The following RALGAPA2 variants were observed in gnomAD, a reference collection of about 807,000 sequenced individuals.
RALGAPA2 encodes ral GTPase-activating protein subunit alpha-2.
Under a neutral mutation model 230.4 loss-of-function variants are expected in RALGAPA2, and 139 were observed. That is an observed-to-expected ratio of 0.60 (90% CI 0.53 to 0.69). The LOEUF is 0.69. Ranked by LOEUF, RALGAPA2 falls within the 30% of genes least tolerant of loss-of-function variation. The probability of loss-of-function intolerance (pLI) is 0.00; values close to 1 mark genes in which losing one functional copy is unlikely to be tolerated. For missense variants in RALGAPA2, 2,163 were observed against 2,276.0 expected, an observed-to-expected ratio of 0.95 and a Z score of 1.01; for synonymous variants, 847 against 837.8, an observed-to-expected ratio of 1.01 and a Z score of -0.19.
intron 23 of RALGAPA2, among the ~76,000 whole-genome samples, chr20:20,564,446 CACAAGTTGATGGTTAGT>C (rs1177903495): frequency 6.6e-6 from 1 of 152,224 alleles, no homozygotes; most frequent in Non-Finnish European, 1.5e-5. Context: ...TGGTCTTCTG[CACAAGTTGATGGTTAGT>C]ACAGATACTT....
At chr20:20,428,184 C>G (rs2060426269) in intron 37 of RALGAPA2, among the ~76,000 whole-genome samples, 1 of 152,174 alleles carries the variant, frequency 6.6e-6, no homozygotes, top group Non-Finnish European at 1.5e-5. Context: ...TAACAGATCC[C>G]ATCTATTCTG....
At chr20:20,572,263 G>C (rs1214951222) in intron 21 of RALGAPA2, among the ~76,000 whole-genome samples, 7 of 150,152 alleles carry the variant, frequency 4.7e-5, no homozygotes, top group Non-Finnish European at 8.9e-5. Context: ...CCATGTTTTT[G>C]AAAAAAAAAT....
chr20:20,590,347 T>G (rs1397058609), intron 17 of RALGAPA2, among the ~76,000 whole-genome samples: 6 of 152,196 alleles, frequency 3.9e-5, no homozygotes, highest in Admixed American at 6.5e-5. Flanking sequence ...CTTTCAAAAA[T>G]CTTTCAGATA....
Position 20,712,520 on chromosome 20 carries a change from G to A in RALGAPA2, c.-40C>T, listed in dbSNP as rs554393457. On this transcript the variant is annotated 5_prime_UTR_variant, in exon 1 of 40. Coordinates refer to ENST00000202677, the MANE Select transcript of RALGAPA2 (RefSeq NM_020343.4). This position sits in a 1 kb window ranked among gnomAD's most constrained non-coding sequence, Gnocchi z 5.5. Reference sequence around the variant, plus strand: ...CCCGGGCCCCGCCGGCGGGGCAGTAGGCGCCTGCGCCACGCGAATCAAAGC... The same window carrying A: ...CCCGGGCCCCGCCGGCGGGGCAGTAAGCGCCTGCGCCACGCGAATCAAAGC... 1.7e-5 allele frequency: 26 copies of A among 1,530,376 alleles called. No homozygotes were observed. The Admixed American group carries it at 4.0e-4, about 24-fold the overall frequency. The allele number at this position is 1,530,376 out of a possible 1,614,324, so 94.8% of individuals were successfully genotyped here. A position where few individuals can be genotyped will look rare whatever the true frequency, so the allele number is the denominator to read the frequency against.
At chr20:20,572,821 AATG>A in intron 21 of RALGAPA2, 51 bp downstream of exon 21, 4 of 1,350,214 alleles carry the variant, frequency 3.0e-6, no homozygotes, top group Non-Finnish European at 3.9e-6. Flanking sequence ...TTTTACATTA[AATG>A]ATAAGACCAT....
intron 37 of RALGAPA2, among the ~76,000 whole-genome samples, chr20:20,415,171 C>T (rs901392952): frequency 4.6e-5 from 7 of 152,342 alleles, no homozygotes; most frequent in Admixed American, 1.3e-4. Context: ...CTTAGGGCTT[C>T]AATGCTGGTT....
At chr20:20,597,589 A>G (rs971964573) in intron 16 of RALGAPA2, among the ~76,000 whole-genome samples, 2 of 152,136 alleles carry the variant, frequency 1.3e-5, no homozygotes, top group Admixed American at 1.3e-4. Flanking sequence ...TAAAAAAAAT[A>G]CTAATCTTTG....
In RALGAPA2 at chr20:20,605,285, A is replaced by G; in HGVS notation, c.1928T>C (p.Ile643Thr). The G allele has an allele frequency of 6.2e-7, 1 of 1,613,806 alleles. No individual in the cohort carries two copies. Among genetic ancestry groups the G allele is most frequent in the Non-Finnish European group, 8.5e-7 (1 of 1,179,818 alleles). Reference protein sequence around the residue: ...WEELINEWANIMDSLTAVLAR... With the variant: ...WEELINEWANTMDSLTAVLAR... Reference sequence around the variant, plus strand: ...AAGCACTGCTGTCAAGGAGTCCATAATGTTGGCCCACTCGTTTATAAGTTC... The same window carrying G: ...AAGCACTGCTGTCAAGGAGTCCATAGTGTTGGCCCACTCGTTTATAAGTTC... The change falls in exon 15 of 40, where the codon ATT (isoleucine) becomes ACT (threonine). Residue 643 changes from isoleucine to threonine, a missense_variant. Transcript: ENST00000202677.
At position 20,489,254 on chromosome 20, in the gene RALGAPA2, GTTC is replaced by G. The variant is rs370689321; in HGVS notation, c.5367+5860_5367+5862del. ...GGAGCAAAGAAGGAGGAGACTGTTAGTTCTACTAGTGATGACTAATAATGAGCT... is the reference window on the plus strand; with the variant it reads ...GGAGCAAAGAAGGAGGAGACTGTTAGTACTAGTGATGACTAATAATGAGCT... On this transcript the variant is annotated intron_variant, in intron 36 of 39. Coordinates refer to ENST00000202677, the MANE Select transcript of RALGAPA2 (RefSeq NM_020343.4). 1.0e-3 allele frequency among the ~76,000 whole-genome samples: 159 copies of G among 152,294 alleles called. 7 individuals are homozygous for G. The South Asian group carries it at 0.032, about 31-fold the overall frequency.
intron 31 of RALGAPA2, among the ~76,000 whole-genome samples, chr20:20,518,083 G>A (rs1034229182): frequency 2.6e-5 from 4 of 152,068 alleles, no homozygotes; most frequent in Non-Finnish European, 5.9e-5. Context: ...CCGAGATGGA[G>A]TCTTGCTCTG....
chr20:20,674,394 G>A (rs949188971), intron 3 of RALGAPA2, among the ~76,000 whole-genome samples: 2 of 151,968 alleles, frequency 1.3e-5, no homozygotes, highest in African/African-American at 4.8e-5. Flanking sequence ...TATTTAATTT[G>A]ATAGAGAATC....
chr20:20,710,114 G>A (rs1318244781), intron 1 of RALGAPA2, among the ~76,000 whole-genome samples: 1 of 152,086 alleles, frequency 6.6e-6, no homozygotes, highest in African/African-American at 2.4e-5. Flanking sequence ...AGGCGGCAGG[G>A]ACAGGCTGCA....
At chr20:20,513,379 A>C in intron 31 of RALGAPA2, 95 bp from the exon 32 acceptor site, 1 of 1,050,652 alleles carries the variant, frequency 9.5e-7, no homozygotes, top group South Asian at 3.5e-5. Flanking sequence ...GGGCAGTTCC[A>C]ATATGGTAGA....
chr20:20,633,094 C>G (rs1272356913), intron 9 of RALGAPA2, among the ~76,000 whole-genome samples: 1 of 146,530 alleles, frequency 6.8e-6, no homozygotes, highest in Non-Finnish European at 1.5e-5. Flanking sequence ...CCTTTCCTTC[C>G]TCCCTCCCTT....
At chr20:20,598,738 TGAA>T (rs2065541603) in intron 16 of RALGAPA2, 1 of 455,826 alleles carries the variant, frequency 2.2e-6, no homozygotes, top group Non-Finnish European at 4.4e-6. Flanking sequence ...GCTCACGGTG[TGAA>T]GGAGGAGCGG....
At chr20:20,492,935 A>G (rs886226427) in intron 36 of RALGAPA2, among the ~76,000 whole-genome samples, 3 of 152,232 alleles carry the variant, frequency 2.0e-5, no homozygotes, top group African/African-American at 7.2e-5. Context: ...CTGAAGCAAT[A>G]TAACAAAAGT....
At chr20:20,527,206 G>C (rs1254573888) in intron 27 of RALGAPA2, among the ~76,000 whole-genome samples, 2 of 152,162 alleles carry the variant, frequency 1.3e-5, no homozygotes, top group African/African-American at 4.8e-5. Context: ...ACATGAAGCA[G>C]ACCATCATCA....
At chr20:20,492,628 G>C (rs1203640592) in intron 36 of RALGAPA2, among the ~76,000 whole-genome samples, 2 of 152,184 alleles carry the variant, frequency 1.3e-5, no homozygotes, top group Non-Finnish European at 2.9e-5. Flanking sequence ...CTGTGTCCCA[G>C]GGAGCCCGCA....
rs921563327 is a variant in RALGAPA2 at position 20,389,604 on chromosome 20, T to C, written c.*3685A>G. 4 of 152,222 alleles carry C rather than the reference T, an allele frequency of 2.6e-5. No homozygotes were observed. Among genetic ancestry groups the C allele is most frequent in the African/African-American group, 7.2e-5 (3 of 41,458 alleles). 9.4% of individuals were successfully genotyped at this position (152,222 alleles called of 1,614,324 possible). On this transcript the variant is annotated 3_prime_UTR_variant, in exon 40 of 40. Transcript: ENST00000202677. ...ATTTTCTTATAAACTATAATGAGAA[T>C]GAGAGAAACATATAGCACTGAAGTG...
Sources: allele counts gnomAD v4.1 joint callset (sites outside exome capture counted in the v4.1 genomes callset), GRCh38; gene constraint gnomAD v4.1.1; non-coding constraint Gnocchi (gnomAD v3.1); transcripts MANE v1.5; gene names NCBI Gene and HGNC (gene_info 2026-07-23, HGNC 2026-07-21).